The following IGF1 variants were observed in gnomAD, a reference collection of about 807,000 sequenced individuals.
The protein encoded by IGF1 is insulin like growth factor 1, also known as insulin-like growth factor 1.
Under a neutral mutation model 13.8 loss-of-function variants are expected in IGF1, and 4 were observed. That is an observed-to-expected ratio of 0.29 (90% CI 0.14 to 0.66). IGF1 has a LOEUF of 0.66. Among genes scored for constraint, IGF1 ranks in the 30% least tolerant of loss-of-function variants. IGF1 has a pLI of 0.78. For missense variants in IGF1, 124 were observed against 188.5 expected, an observed-to-expected ratio of 0.66 and a Z score of 2.00; for synonymous variants, 76 against 72.6, an observed-to-expected ratio of 1.05 and a Z score of -0.23.
chr12:102,414,621 G>A (rs146171516), intron 3 of IGF1, among the ~76,000 whole-genome samples: 39 of 151,916 alleles, frequency 2.6e-4, no homozygotes, highest in Middle Eastern at 3.4e-3. Flanking sequence ...ATGGGGTTTC[G>A]CTATGTTGCC....
chr12:102,467,615 T>A (rs1880419645), intron 2 of IGF1, among the ~76,000 whole-genome samples: 1 of 152,170 alleles, frequency 6.6e-6, no homozygotes, highest in East Asian at 1.9e-4. Flanking sequence ...ATCACTTTAG[T>A]TTGTACAAAT....
intron 2 of IGF1, among the ~76,000 whole-genome samples, chr12:102,457,536 A>G (rs1219750011): frequency 6.6e-6 from 1 of 152,226 alleles, no homozygotes; most frequent in Admixed American, 6.5e-5. Flanking sequence ...TCTATAGAAC[A>G]CAACCATGCC....
chr12:102,436,414 T>A (rs2137071253), intron 2 of IGF1, among the ~76,000 whole-genome samples: 1 of 152,320 alleles, frequency 6.6e-6, no homozygotes, highest in African/African-American at 2.4e-5. Context: ...AGATGGCCAG[T>A]CAAGCCAACT....
rs746588929 is a variant in IGF1, at chr12:102,480,396, A to G, written c.-15T>C. On this transcript the variant is annotated 5_prime_UTR_variant, in exon 1 of 4. Transcript: ENST00000337514. ...ATTTTTCCCATTGCTTCTGAAGTAC[A>G]AAGTCTGAAAATGAATTGGTTAGCA... The G allele has an allele frequency of 1.1e-5, 17 of 1,613,312 alleles. No individual in the cohort carries two copies. Among genetic ancestry groups the G allele is most frequent in the Non-Finnish European group, 1.4e-5 (16 of 1,179,588 alleles).
At chr12:102,475,842 C>A (rs753082535) in intron 1 of IGF1, 43 bp from the exon 2 acceptor site, 29 of 1,578,026 alleles carry the variant, frequency 1.8e-5, no homozygotes, top group Middle Eastern at 1.7e-4. Flanking sequence ...CTCCTTGATC[C>A]TTGCAAGGGG....
At position 102,475,739 on chromosome 12, in the gene IGF1, A is replaced by C. The variant is rs1254526710; in HGVS notation, c.124T>G (p.Phe42Val). The change falls in exon 2 of 4, where the codon TTC becomes GTC. Residue 42 changes from phenylalanine (F) to valine (V), a missense_variant. Physicochemically the swap from Phe to Val is conservative, Grantham distance 50. Coordinates refer to ENST00000337514, the MANE Select transcript of IGF1 (RefSeq NM_000618.5). ...GGTCCAGCCGTGGCAGAGCTGGTGAAGGTGAGCAGGCACAGCGCCAGGTAG... is the reference window on the plus strand; with the variant it reads ...GGTCCAGCCGTGGCAGAGCTGGTGACGGTGAGCAGGCACAGCGCCAGGTAG... ...LFYLALCLLT[F>V]TSSATAGPET... is the part of the protein sequence containing the mutation. 1 of 1,614,090 alleles carries C rather than the reference A, an allele frequency of 6.2e-7. No individual in the cohort carries two copies. The highest frequency in any genetic ancestry group is 1.3e-5 in the African/African-American group (1 of 74,936).
At chr12:102,441,346 T>C (rs60760733) in intron 2 of IGF1, among the ~76,000 whole-genome samples, 194 of 152,346 alleles carry the variant, frequency 1.3e-3, no homozygotes, top group African/African-American at 4.2e-3. Context: ...GGCAATATAT[T>C]GCATCATGTC....
At chr12:102,402,736 G>C in intron 3 of IGF1, 170 bp from the exon 4 acceptor site, 1 of 649,438 alleles carries the variant, frequency 1.5e-6, no homozygotes, top group African/African-American at 1.8e-5. Flanking sequence ...CAGGCCCTTA[G>C]TACTTTTGCC....
chr12:102,468,434 C>T (rs1445572263), intron 2 of IGF1, among the ~76,000 whole-genome samples: 1 of 152,222 alleles, frequency 6.6e-6, no homozygotes, highest in East Asian at 1.9e-4. Flanking sequence ...AGAGGGGCAG[C>T]TATGCCAAGA....
At position 102,399,068 on chromosome 12, in the gene IGF1, G is replaced by C. The variant is rs1442544121; in HGVS notation, c.*3439C>G. 1 of 151,436 alleles carries C rather than the reference G, an allele frequency of 6.6e-6. No individual in the cohort carries two copies. The highest frequency in any genetic ancestry group is 1.5e-5 in the Non-Finnish European group (1 of 67,970). The allele number at this position is 151,436 out of a possible 1,614,324, so 9.4% of individuals were successfully genotyped here. On this transcript the variant is annotated 3_prime_UTR_variant, in exon 4 of 4. Transcript: ENST00000337514. ...GTTTTTTAATAAAATTTTCAAGGAA[G>C]TGATTTCTTTTCAGTATTCCATTGG...
chr12:102,462,673 T>A (rs923363990), intron 2 of IGF1: 5 of 152,234 alleles, frequency 3.3e-5, no homozygotes, highest in African/African-American at 1.2e-4. Flanking sequence ...ATGCTTATTG[T>A]ATGTGTGTCA....
rs1873364714 is a variant in IGF1 at position 102,398,077 on chromosome 12, T to C, written c.*4430A>G. On this transcript the variant is annotated 3_prime_UTR_variant, in exon 4 of 4. Coordinates refer to ENST00000337514, the MANE Select transcript of IGF1 (RefSeq NM_000618.5). Reference sequence around the variant, plus strand: ...TGAACATTAAGAAATTCATAAAGACTGTATAAAGTAAAAAAAAAAAAAAAA... The same window carrying C: ...TGAACATTAAGAAATTCATAAAGACCGTATAAAGTAAAAAAAAAAAAAAAA... The C allele has an allele frequency of 7.1e-6, 1 of 140,968 alleles. No homozygotes were observed. Among genetic ancestry groups the C allele is most frequent in the African/African-American group, 2.6e-5 (1 of 38,648 alleles). The allele number at this position is 140,968 out of a possible 1,614,324, so 8.7% of individuals were successfully genotyped here. A position where few individuals can be genotyped will look rare whatever the true frequency, so the allele number is the denominator to read the frequency against.
intron 3 of IGF1, among the ~76,000 whole-genome samples, chr12:102,405,840 T>C (rs1420664941): frequency 6.6e-6 from 1 of 152,236 alleles, no homozygotes; most frequent in Non-Finnish European, 1.5e-5. Flanking sequence ...TGCTTCACTC[T>C]TTAAATTAGC....
intron 3 of IGF1, chr12:102,417,969 G>A: frequency 1.2e-6 from 2 of 1,613,220 alleles, no homozygotes; most frequent in Non-Finnish European, 1.7e-6. Context: ...CCTTCTCTGA[G>A]ACTTCGTGTT....
chr12:102,448,644 C>T (rs369147597), intron 2 of IGF1, among the ~76,000 whole-genome samples: 3 of 133,466 alleles, frequency 2.2e-5, no homozygotes, highest in Non-Finnish European at 4.6e-5. Context: ...ACATATGTAA[C>T]TAACTTGCAC....
At chr12:102,478,616 G>A in intron 1 of IGF1, 2 of 1,535,556 alleles carry the variant, frequency 1.3e-6, no homozygotes, top group Non-Finnish European at 1.8e-6. Flanking sequence ...GTTTGTGAAA[G>A]CATCTAGTTA....
At position 102,399,313 on chromosome 12, in the gene IGF1, A is replaced by C. The variant is rs1389766224; in HGVS notation, c.*3194T>G. 1 of 152,606 alleles carries C rather than the reference A, an allele frequency of 6.6e-6. No homozygotes were observed. The highest frequency in any genetic ancestry group is 1.5e-5 in the Non-Finnish European group (1 of 68,012). 9.5% of individuals were successfully genotyped at this position (152,606 alleles called of 1,614,324 possible). ...GAACAGAAATTTGACCTAAGTATCCAGTATGGTCAATTAAATTGGAAATAA... is the reference window on the plus strand; with the variant it reads ...GAACAGAAATTTGACCTAAGTATCCCGTATGGTCAATTAAATTGGAAATAA... On this transcript the variant is annotated 3_prime_UTR_variant, in exon 4 of 4. Transcript: ENST00000337514.
chr12:102,472,107 G>A (rs1053583042), intron 2 of IGF1, among the ~76,000 whole-genome samples: 5 of 152,056 alleles, frequency 3.3e-5, no homozygotes, highest in African/African-American at 1.2e-4. Context: ...TTTTCTCACA[G>A]GACTGCAAGA....
intron 2 of IGF1, among the ~76,000 whole-genome samples, chr12:102,460,360 A>C (rs918920875): frequency 2.0e-5 from 3 of 152,148 alleles, no homozygotes; most frequent in African/African-American, 7.2e-5. Flanking sequence ...GAAGACACTC[A>C]ATAGATGGTG....
Sources: gnomAD v4.1 joint callset for allele counts (sites outside exome capture counted in the v4.1 genomes callset) on GRCh38, gnomAD v4.1.1 for gene constraint, MANE v1.5 for transcripts, NCBI Gene and HGNC (gene_info 2026-07-23, HGNC 2026-07-21) for gene names.